STC2: variants seen among roughly 807,000 people sequenced by gnomAD.
The protein encoded by STC2 is stanniocalcin 2.
Under a neutral mutation model 22.7 loss-of-function variants are expected in STC2, and 7 were observed. That is an observed-to-expected ratio of 0.31 (90% CI 0.18 to 0.58). The LOEUF (loss-of-function observed/expected upper bound fraction) is 0.58, where lower values mean the gene tolerates loss of function less well. Ranked by LOEUF, STC2 falls within the 20% of genes least tolerant of loss-of-function variation. The pLI, the probability that STC2 is intolerant of heterozygous loss-of-function variation, is 0.89. For synonymous variants in STC2, 158 were observed against 163.4 expected (o/e 0.97, Z 0.25); for missense variants, 336 against 406.2 (o/e 0.83, Z 1.48).
At chr5:173,326,115 G>T in intron 1 of STC2, 105 bp from the exon 2 acceptor site, 1 of 1,324,236 alleles carries the variant, frequency 7.6e-7, no homozygotes. Context: ...AAAATTTAAG[G>T]AGGAAAAAAG....
At chr5:173,327,971 CCTGGGGCGCG>C (rs1255658448) in intron 1 of STC2, 62 bp downstream of exon 1, 1 of 1,393,792 alleles carries the variant, frequency 7.2e-7, no homozygotes, top group Non-Finnish European at 9.4e-7. Flanking sequence ...CGGCGAAACG[CCTGGGGCGCG>C]CCGCGTGGGT....
intron 3 of STC2, among the ~76,000 whole-genome samples, chr5:173,322,317 G>A (rs769091991): frequency 1.3e-5 from 2 of 152,074 alleles, no homozygotes; most frequent in Admixed American, 6.6e-5. Flanking sequence ...AATCTTCAGG[G>A]GCTCCTGGCC....
chr5:173,320,459 C>G (rs1762470791), intron 3 of STC2, among the ~76,000 whole-genome samples: 1 of 152,178 alleles, frequency 6.6e-6, no homozygotes, highest in Non-Finnish European at 1.5e-5. Flanking sequence ...AAGCTCAGCC[C>G]GTGTCTAATG....
At chr5:173,322,822 T>G (rs1762502938) in intron 3 of STC2, 1 of 229,786 alleles carries the variant, frequency 4.4e-6, no homozygotes, top group Admixed American at 5.0e-5. Flanking sequence ...CTTAGCCCAG[T>G]GCCTGGCGCT....
At chr5:173,326,051 C>A in intron 1 of STC2, 41 bp from the exon 2 acceptor site, 4 of 1,609,650 alleles carry the variant, frequency 2.5e-6, no homozygotes, top group Non-Finnish European at 3.4e-6. Flanking sequence ...AAAACTCTAA[C>A]CCATGCTGGG....
chr5:173,319,083 A>C (rs2053681), intron 3 of STC2, among the ~76,000 whole-genome samples: 1 of 151,928 alleles, frequency 6.6e-6, no homozygotes, highest in Non-Finnish European at 1.5e-5. Flanking sequence ...GAGACAGCTC[A>C]CTGTGCAATG....
rs762800064 is a variant in STC2, at chr5:173,325,897, G to C, written c.265C>G (p.Leu89Val). 1 of 1,614,202 alleles carries C rather than the reference G, an allele frequency of 6.2e-7. No homozygotes were observed. The highest frequency in any genetic ancestry group is 2.2e-5 in the East Asian group (1 of 44,882). Residue 89 changes from leucine to valine, a missense_variant, in exon 2 of 4, where the codon CTG (leucine) becomes GTG (valine). By Grantham distance (32) the Leu-to-Val change is conservative (BLOSUM62 1). Around this residue, in one of 3 missense-constraint regions of STC2, gnomAD observed 99 missense variants for 122.7 expected, o/e 0.81. Transcript: ENST00000265087. This position sits in a 1 kb window ranked among gnomAD's most constrained non-coding sequence, Gnocchi z 4.7. ...GCATCAAATTTTCCAGCGTTGTGCAGAAAAGTCATGCAAATCCCATGTAAG... is the reference window on the plus strand; with the variant it reads ...GCATCAAATTTTCCAGCGTTGTGCACAAAAGTCATGCAAATCCCATGTAAG... Reference protein sequence around the residue: ...RGLHGICMTFLHNAGKFDAQG... With the variant: ...RGLHGICMTFVHNAGKFDAQG...
In STC2 at chr5:173,325,614, A is replaced by C. The variant is rs1581140541; in HGVS notation, c.294+254T>G. On this transcript the variant is annotated intron_variant, in intron 2 of 3. Transcript: ENST00000265087. The surrounding 1 kb of genome is among the most constrained non-coding windows in gnomAD (Gnocchi z 4.7). ...GAGACTGAGTTCTGGGTGGCCAGACACAGCGTGTCCCCTTACAAGGTGTTT... is the reference window on the plus strand; with the variant it reads ...GAGACTGAGTTCTGGGTGGCCAGACCCAGCGTGTCCCCTTACAAGGTGTTT... Among the ~76,000 whole-genome samples the C allele has an allele frequency of 6.6e-6, 1 of 152,330 alleles. No individual in the cohort carries two copies. Among genetic ancestry groups the C allele is most frequent in the East Asian group, 1.9e-4 (1 of 5,188 alleles).
At chr5:173,318,396 T>C (rs1307985430) in intron 3 of STC2, 147 bp from the exon 4 acceptor site, 2 of 853,810 alleles carry the variant, frequency 2.3e-6, no homozygotes, top group Admixed American at 3.7e-5. Context: ...CGGTGGAAGA[T>C]CTCTCTCAAA....
chr5:173,326,132 T>TAAA, intron 1 of STC2, 122 bp from the exon 2 acceptor site: 1 of 1,151,868 alleles, frequency 8.7e-7, no homozygotes, highest in East Asian at 2.4e-5. Flanking sequence ...AAAGACTTAG[T>TAAA]AATGACTATT....
Position 173,317,629 on chromosome 5 carries a change from T to C in STC2, c.*218A>G. 2.2e-6 allele frequency: 1 copy of C among 463,608 alleles called. No homozygotes were observed. The highest frequency in any genetic ancestry group is 3.7e-6 in the Non-Finnish European group (1 of 270,102). 28.7% of individuals were successfully genotyped at this position (463,608 alleles called of 1,614,324 possible). A position where few individuals can be genotyped will look rare whatever the true frequency, so the allele number is the denominator to read the frequency against. ...ACGCGGGCGCGCTCCCTTGAGTACGTGTAAGTGCAGAATTCACCAGGCACC... is the reference window on the plus strand; with the variant it reads ...ACGCGGGCGCGCTCCCTTGAGTACGCGTAAGTGCAGAATTCACCAGGCACC... On this transcript the variant is annotated 3_prime_UTR_variant, in exon 4 of 4. Transcript: ENST00000265087.
chr5:173,326,045 C>T, intron 1 of STC2, 35 bp from the exon 2 acceptor site: 1 of 1,610,676 alleles, frequency 6.2e-7, no homozygotes, highest in Non-Finnish European at 8.5e-7. Flanking sequence ...ATATACAAAA[C>T]TCTAACCCAT....
At chr5:173,327,609 C>G (rs1307694060) in intron 1 of STC2, among the ~76,000 whole-genome samples, 1 of 152,256 alleles carries the variant, frequency 6.6e-6, no homozygotes, top group Admixed American at 6.5e-5. Context: ...AGACGCGGCA[C>G]CCTTACTGAG....
At position 173,318,266 on chromosome 5, in the gene STC2, A is replaced by AAGAGAG. The variant is rs4041247; in HGVS notation, c.507-23_507-18dup. On this transcript the variant is annotated splice_polypyrimidine_tract_variant and intron_variant, in intron 3 of 3. Coordinates refer to ENST00000265087, the MANE Select transcript of STC2 (RefSeq NM_003714.3). ...ACGTAGGGTCTAAAGATTGAAAGCA[A>AAGAGAG]AGAGAGAGAGAGAGAGAGAGAGAGA... 11,901 of 1,233,226 alleles carry AAGAGAG rather than the reference A, an allele frequency of 9.7e-3. 83 individuals carry two copies. Among genetic ancestry groups the AAGAGAG allele is most frequent in the East Asian group, 0.056 (1,800 of 32,130 alleles). 76.4% of individuals were successfully genotyped at this position (1,233,226 alleles called of 1,614,324 possible).
rs775203283 is a variant in STC2, at chr5:173,315,981, A to G, written c.*1866T>C. On this transcript the variant is annotated 3_prime_UTR_variant, in exon 4 of 4. Transcript: ENST00000265087. ...CTGGGATTGGATTTGGGGCATAGAA[A>G]TACTAGCTGTGTTTTGGTTGAAGGC... is the stretch of plus-strand genomic sequence containing the variant. 6.6e-6 allele frequency: 1 copy of G among 152,226 alleles called. No homozygotes were observed. The highest frequency in any genetic ancestry group is 1.5e-5 in the Non-Finnish European group (1 of 68,050). 9.4% of individuals were successfully genotyped at this position (152,226 alleles called of 1,614,324 possible).
At chr5:173,322,451 T>C (rs1167240678) in intron 3 of STC2, among the ~76,000 whole-genome samples, 3 of 152,256 alleles carry the variant, frequency 2.0e-5, no homozygotes, top group African/African-American at 7.2e-5. Context: ...ATTTCAAGTC[T>C]TGAAATAAGT....
chr5:173,327,989 G>T, intron 1 of STC2, 54 bp downstream of exon 1: 1 of 1,393,216 alleles, frequency 7.2e-7, no homozygotes, highest in South Asian at 1.9e-5. Context: ...GCGCCGCGTG[G>T]GTGCACGGTG....
Position 173,315,586 on chromosome 5 carries a change from T to C in STC2, c.*2261A>G, listed in dbSNP as rs1291569873. The C allele has an allele frequency of 1.3e-5, 2 of 152,228 alleles. No homozygotes were observed. The highest frequency in any genetic ancestry group is 6.5e-5 in the Admixed American group (1 of 15,288). 9.4% of individuals were successfully genotyped at this position (152,228 alleles called of 1,614,324 possible). A position where few individuals can be genotyped will look rare whatever the true frequency, so the allele number is the denominator to read the frequency against. On this transcript the variant is annotated 3_prime_UTR_variant, in exon 4 of 4. Transcript: ENST00000265087. ...ACATTTACACGGAGGAAAATGGAAA[T>C]GTGATGCCTTTCACACATCCAGTCC...
intron 3 of STC2, among the ~76,000 whole-genome samples, chr5:173,318,721 A>C (rs1762454894): frequency 6.6e-6 from 1 of 152,112 alleles, no homozygotes; most frequent in South Asian, 2.1e-4. Context: ...TTTGGTAGGG[A>C]AGAGGAAACC....
Sources: gnomAD v4.1 joint callset for allele counts (sites outside exome capture counted in the v4.1 genomes callset) on GRCh38, gnomAD v4.1.1 for gene constraint, gnomAD v4.1.1 regional missense constraint, Gnocchi (gnomAD v3.1) non-coding constraint, MANE v1.5 for transcripts, NCBI Gene and HGNC (gene_info 2026-07-23, HGNC 2026-07-21) for gene names.